NOL4: variants seen among roughly 807,000 people sequenced by gnomAD.
The protein encoded by NOL4 is nucleolar protein 4.
In NOL4, 17 loss-of-function variants were observed where a neutral mutation model predicts 75.9. The ratio of observed to expected loss-of-function variants is 0.22; its 90% CI spans 0.15 to 0.34. The LOEUF (loss-of-function observed/expected upper bound fraction) is 0.34, where lower values mean the gene tolerates loss of function less well. NOL4 is among the 10% of genes least tolerant of loss of function. The probability of loss-of-function intolerance (pLI) is 1.00; values close to 1 mark genes in which losing one functional copy is unlikely to be tolerated. For synonymous variants in NOL4, 292 were observed against 289.9 expected (o/e 1.01, Z -0.07); for missense variants, 614 against 793.5 (o/e 0.77, Z 2.72).
intron 1 of NOL4, among the ~76,000 whole-genome samples, chr18:34,171,460 C>T (rs2033033226): frequency 6.6e-6 from 1 of 152,094 alleles, no homozygotes; most frequent in Admixed American, 6.6e-5. Context: ...ACCATATCAC[C>T]TATGTCATTC....
rs531184585 is a variant in NOL4, at chr18:34,144,413, T to G, written c.265-14393A>C. Among the ~76,000 whole-genome samples the G allele has an allele frequency of 5.8e-4, 89 of 152,188 alleles. 1 individual carries two copies. The highest frequency in any genetic ancestry group is 3.4e-3 in the Middle Eastern group (1 of 294). On this transcript the variant is annotated intron_variant, in intron 1 of 10. Coordinates refer to ENST00000261592, the MANE Select transcript of NOL4 (RefSeq NM_003787.5). ...TGGTCAACTATTGACATAAAAAGCT[T>G]CAAAGAACAAGAACTCAAAAAACTA...
chr18:34,203,052 TTAA>T (rs1356007976), intron 1 of NOL4, among the ~76,000 whole-genome samples: 2 of 151,930 alleles, frequency 1.3e-5, no homozygotes, highest in Non-Finnish European at 2.9e-5. Context: ...CTTCAACAGA[TTAA>T]TGATGATGAA....
At position 34,223,242 on chromosome 18, in the gene NOL4, C is replaced by G; in HGVS notation, c.12G>C (p.Glu4Asp). The change falls in exon 1 of 11, where the codon GAG (glutamate) becomes GAC (aspartate). Residue 4 changes from glutamate to aspartate, a missense_variant. By Grantham distance (45) the Glu-to-Asp change is conservative. Transcript: ENST00000261592. The part of the protein sequence containing the change: MES[E>D]RDMYRQFQDW... ...CCTGGAACTGGCGGTACATGTCGCG[C>G]TCGCTCTCCATGTTCCCCGCGCTCG... The G allele has an allele frequency of 1.2e-6, 2 of 1,613,806 alleles. No individual in the cohort carries two copies. The highest frequency in any genetic ancestry group is 1.7e-6 in the Non-Finnish European group (2 of 1,179,986).
intron 1 of NOL4, chr18:34,220,963 T>C (rs768172401): frequency 6.6e-6 from 1 of 152,116 alleles, no homozygotes; most frequent in Non-Finnish European, 1.5e-5. Flanking sequence ...CTGAAAATAG[T>C]GGTATATGAA....
At chr18:34,003,557 T>A (rs2073860332) in intron 6 of NOL4, among the ~76,000 whole-genome samples, 1 of 152,106 alleles carries the variant, frequency 6.6e-6, no homozygotes, top group Non-Finnish European at 1.5e-5. Context: ...AATCTTTTTC[T>A]TATTAATTTT....
intron 6 of NOL4, among the ~76,000 whole-genome samples, chr18:33,969,363 A>T (rs1555677154): frequency 6.6e-6 from 1 of 151,802 alleles, no homozygotes; most frequent in Non-Finnish European, 1.5e-5. Context: ...TTTCATCTTT[A>T]TTTTTTTCAT....
chr18:33,939,665 G>A (rs2068329847), intron 9 of NOL4, among the ~76,000 whole-genome samples: 2 of 152,116 alleles, frequency 1.3e-5, no homozygotes, highest in Admixed American at 1.3e-4. Context: ...AGCTTAAGGA[G>A]ATTTTGGGCT....
intron 9 of NOL4, among the ~76,000 whole-genome samples, chr18:33,899,741 C>G (rs763945294): frequency 6.6e-6 from 1 of 152,116 alleles, no homozygotes; most frequent in Non-Finnish European, 1.5e-5. Flanking sequence ...ATTCCTTGAA[C>G]CAGCCATTTT....
At chr18:33,953,126 A>T (rs549136449) in intron 8 of NOL4, among the ~76,000 whole-genome samples, 97 of 151,870 alleles carry the variant, frequency 6.4e-4, no homozygotes, top group African/African-American at 2.2e-3. Flanking sequence ...CCACTTTAAA[A>T]TCTGGAAGCA....
intron 2 of NOL4, among the ~76,000 whole-genome samples, chr18:34,110,398 G>A (rs1056068432): frequency 6.6e-6 from 1 of 152,046 alleles, no homozygotes; most frequent in African/African-American, 2.4e-5. Flanking sequence ...ATCAATAAAT[G>A]AGATTCACCA....
intron 6 of NOL4, among the ~76,000 whole-genome samples, chr18:33,988,043 A>T (rs1374706887): frequency 6.6e-6 from 1 of 152,108 alleles, no homozygotes; most frequent in African/African-American, 2.4e-5. Flanking sequence ...GGTCAAACAC[A>T]GGGGGAAGGG....
chr18:33,859,143 G>C (rs1452580646), intron 10 of NOL4, among the ~76,000 whole-genome samples: 1 of 151,694 alleles, frequency 6.6e-6, no homozygotes, highest in African/African-American at 2.4e-5. Flanking sequence ...TATTGTCTTT[G>C]GGTTTTCTCT....
At position 34,028,871 on chromosome 18, in the gene NOL4, A is replaced by T. The variant is rs1472902827; in HGVS notation, c.773-9270T>A. Among the ~76,000 whole-genome samples, 7 of 152,354 alleles carry T rather than the reference A, an allele frequency of 4.6e-5. No homozygotes were observed. In the East Asian group the frequency reaches 1.4e-3, roughly 29 times the overall value. On this transcript the variant is annotated intron_variant, in intron 5 of 10. Transcript: ENST00000261592. ...GCTGGAGAAGTTACAGGGGTCCATG[A>T]TGAATACAAAACTATTTCAATATTC...
At chr18:33,926,017 A>G (rs186251364) in intron 9 of NOL4, among the ~76,000 whole-genome samples, 266 of 152,224 alleles carry the variant, frequency 1.7e-3, no homozygotes, top group South Asian at 4.6e-3. Flanking sequence ...AAAGTTGTAT[A>G]CTATCAATTC....
chr18:34,008,202 A>T (rs1197895585), intron 6 of NOL4, among the ~76,000 whole-genome samples: 1 of 151,972 alleles, frequency 6.6e-6, no homozygotes, highest in Non-Finnish European at 1.5e-5. Flanking sequence ...TCTAATTCAG[A>T]CTGGGACTTA....
At chr18:34,166,337 A>C (rs1360229430) in intron 1 of NOL4, among the ~76,000 whole-genome samples, 1 of 152,176 alleles carries the variant, frequency 6.6e-6, no homozygotes, top group Admixed American at 6.6e-5. Context: ...GCCAACTTGT[A>C]ATTCCCTCTC....
intron 1 of NOL4, among the ~76,000 whole-genome samples, chr18:34,220,721 T>C (rs1439500126): frequency 6.6e-6 from 1 of 152,152 alleles, no homozygotes. Context: ...GACGAGTTCA[T>C]AAATTAAAAA....
chr18:33,934,789 A>G (rs2067943044), intron 9 of NOL4, among the ~76,000 whole-genome samples: 1 of 151,602 alleles, frequency 6.6e-6, no homozygotes, highest in African/African-American at 2.4e-5. Context: ...CTATAAGACC[A>G]TGAAAACTTT....
intron 10 of NOL4, among the ~76,000 whole-genome samples, chr18:33,863,178 A>C (rs1014835551): frequency 1.3e-5 from 2 of 152,048 alleles, no homozygotes; most frequent in African/African-American, 2.4e-5. Flanking sequence ...AGAACAAAAA[A>C]CCAAACACCA....
Sources: gnomAD v4.1 joint callset for allele counts (sites outside exome capture counted in the v4.1 genomes callset) on GRCh38, gnomAD v4.1.1 for gene constraint, MANE v1.5 for transcripts, NCBI Gene and HGNC (gene_info 2026-07-23, HGNC 2026-07-21) for gene names.